MDGA2: variants seen among roughly 807,000 people sequenced by gnomAD.
MDGA2 encodes MAM domain containing glycosylphosphatidylinositol anchor 2.
Under a neutral mutation model 117.8 loss-of-function variants are expected in MDGA2, and 40 were observed. The observed-to-expected ratio is 0.34, with a 90% CI of 0.26 to 0.44. The LOEUF (loss-of-function observed/expected upper bound fraction) is 0.44, where lower values mean the gene tolerates loss of function less well. MDGA2 is among the 20% of genes least tolerant of loss of function. The probability of loss-of-function intolerance (pLI) is 1.00; values close to 1 mark genes in which losing one functional copy is unlikely to be tolerated. For synonymous variants in MDGA2, 452 were observed against 439.0 expected, an observed-to-expected ratio of 1.03 and a Z score of -0.37; for missense variants, 1,123 against 1,250.6, an observed-to-expected ratio of 0.90 and a Z score of 1.54.
At chr14:47,435,629 T>C (rs920970473) in intron 1 of MDGA2, among the ~76,000 whole-genome samples, 1 of 152,142 alleles carries the variant, frequency 6.6e-6, no homozygotes, top group Non-Finnish European at 1.5e-5. Flanking sequence ...TCTAAAACTT[T>C]CTAGAGTCAT....
At chr14:46,897,870 T>C (rs1883140985) in intron 10 of MDGA2, among the ~76,000 whole-genome samples, 1 of 151,906 alleles carries the variant, frequency 6.6e-6, no homozygotes, top group Admixed American at 6.6e-5. Flanking sequence ...TGACAATCTT[T>C]ATCTATTTTT....
At chr14:47,530,206 T>C (rs1287528919) in intron 1 of MDGA2, among the ~76,000 whole-genome samples, 2 of 152,192 alleles carry the variant, frequency 1.3e-5, no homozygotes, top group Admixed American at 6.5e-5. Flanking sequence ...CCTGTTCATA[T>C]GGATAAGATA....
At position 47,548,302 on chromosome 14, in the gene MDGA2, CT is replaced by C. The variant is rs911127737; in HGVS notation, c.280+126214del. ...CTTCCTCAAGAATAGTTTGTTTTGA[CT>C]TTTTTTTTAAACCTCTGTATGAGCA... On this transcript the variant is annotated intron_variant, in intron 1 of 16. Coordinates refer to ENST00000399232, the MANE Select transcript of MDGA2 (RefSeq NM_001113498.3). Among the ~76,000 whole-genome samples, 12 of 151,178 alleles carry C rather than the reference CT, an allele frequency of 7.9e-5. No individual in the cohort carries two copies. In the East Asian group the frequency reaches 1.2e-3, roughly 15 times the overall value.
intron 1 of MDGA2, among the ~76,000 whole-genome samples, chr14:47,575,002 C>T (rs1896090262): frequency 6.6e-6 from 1 of 152,132 alleles, no homozygotes. Flanking sequence ...ATAAAGTGTA[C>T]ATAGGTCTGT....
chr14:46,868,390 A>G (rs1481944343), intron 14 of MDGA2, among the ~76,000 whole-genome samples: 1 of 151,942 alleles, frequency 6.6e-6, no homozygotes, highest in Non-Finnish European at 1.5e-5. Flanking sequence ...TCATCAGAAG[A>G]GACATCATTT....
At chr14:47,294,178 T>G (rs544986286) in intron 2 of MDGA2, among the ~76,000 whole-genome samples, 11 of 150,396 alleles carry the variant, frequency 7.3e-5, no homozygotes, top group Non-Finnish European at 4.4e-5. Context: ...CAGTGCAGCC[T>G]TGACCTCCCC....
At chr14:47,072,822 A>G (rs574643206) in intron 6 of MDGA2, among the ~76,000 whole-genome samples, 1 of 152,326 alleles carries the variant, frequency 6.6e-6, no homozygotes, top group African/African-American at 2.4e-5. Context: ...CAGCTCACCC[A>G]GAAGGATTAT....
intron 6 of MDGA2, among the ~76,000 whole-genome samples, chr14:47,070,659 G>A (rs1890248529): frequency 6.6e-6 from 1 of 152,112 alleles, no homozygotes; most frequent in Non-Finnish European, 1.5e-5. Flanking sequence ...AGGCTGGAGT[G>A]CAGTGGTGTG....
rs201336872 is a variant in MDGA2 at position 47,589,202 on chromosome 14, A to AT, written c.280+85314dup. Among the ~76,000 whole-genome samples, 39 of 151,918 alleles carry AT rather than the reference A, an allele frequency of 2.6e-4. No individual in the cohort carries two copies. The East Asian group carries it at 7.5e-3, about 29-fold the overall frequency. ...GCAGTTATTTTAACAATCACACTCTATTTTTTCTTTTGTCACTTATGCTTT... is the reference window on the plus strand; with the variant it reads ...GCAGTTATTTTAACAATCACACTCTATTTTTTTCTTTTGTCACTTATGCTTT... On this transcript the variant is annotated intron_variant, in intron 1 of 16. Transcript: ENST00000399232.
chr14:47,426,182 A>G (rs1480210935), intron 1 of MDGA2, among the ~76,000 whole-genome samples: 1 of 152,122 alleles, frequency 6.6e-6, no homozygotes, highest in Non-Finnish European at 1.5e-5. Flanking sequence ...AGTATTTGCT[A>G]GAGGATATCA....
intron 6 of MDGA2, among the ~76,000 whole-genome samples, chr14:47,072,530 G>T (rs1208409742): frequency 6.6e-6 from 1 of 152,138 alleles, no homozygotes; most frequent in Non-Finnish European, 1.5e-5. Context: ...TCTACTTTTT[G>T]AAAGTGAAAC....
At chr14:47,036,986 G>T (rs1888879243) in intron 7 of MDGA2, among the ~76,000 whole-genome samples, 1 of 152,164 alleles carries the variant, frequency 6.6e-6, no homozygotes, top group Non-Finnish European at 1.5e-5. Context: ...CCTAGAAATT[G>T]ACATTAACAA....
intron 2 of MDGA2, among the ~76,000 whole-genome samples, chr14:47,296,379 G>A (rs1352149249): frequency 1.3e-5 from 2 of 152,136 alleles, no homozygotes; most frequent in South Asian, 2.1e-4. Flanking sequence ...CACACTGGGA[G>A]GTGCAATTGG....
chr14:46,955,573 T>C (rs1016280782), intron 9 of MDGA2, among the ~76,000 whole-genome samples: 3 of 152,070 alleles, frequency 2.0e-5, no homozygotes, highest in African/African-American at 7.2e-5. Flanking sequence ...TTCTGACATT[T>C]AAGTGAACAC....
At chr14:47,564,982 G>A (rs1895888853) in intron 1 of MDGA2, among the ~76,000 whole-genome samples, 1 of 151,782 alleles carries the variant, frequency 6.6e-6, no homozygotes, top group Non-Finnish European at 1.5e-5. Flanking sequence ...TTCTTAAAAT[G>A]GCCACTTTTT....
rs112794185 is a variant in MDGA2, at chr14:47,084,632, G to C, written c.1195+12222C>G. Among the ~76,000 whole-genome samples, 565 of 152,168 alleles carry C rather than the reference G, an allele frequency of 3.7e-3. 2 individuals carry two copies. Among genetic ancestry groups the C allele is most frequent in the Non-Finnish European group, 5.3e-3 (357 of 67,998 alleles). On this transcript the variant is annotated intron_variant, in intron 6 of 16. Coordinates refer to ENST00000399232, the MANE Select transcript of MDGA2 (RefSeq NM_001113498.3). ...TACTTACCCACCCTAACCCATTTGT[G>C]ATAGTATCAGGACGTGGAGCTTTTC...
At chr14:46,845,007 G>T (rs542725123) in intron 16 of MDGA2, among the ~76,000 whole-genome samples, 5 of 151,874 alleles carry the variant, frequency 3.3e-5, no homozygotes, top group Admixed American at 3.3e-4. Context: ...TCGGCCTCCC[G>T]AGTAGCTGGG....
chr14:46,966,687 T>A (rs1336800438), intron 8 of MDGA2, among the ~76,000 whole-genome samples: 2 of 151,852 alleles, frequency 1.3e-5, no homozygotes, highest in Non-Finnish European at 2.9e-5. Flanking sequence ...AGTGTAACCT[T>A]TCAAAGTAAT....
Position 47,290,177 on chromosome 14 carries a change from G to A in MDGA2, c.420+11234C>T, listed in dbSNP as rs866628868. On this transcript the variant is annotated intron_variant, in intron 2 of 16. Coordinates refer to ENST00000399232, the MANE Select transcript of MDGA2 (RefSeq NM_001113498.3). Reference sequence around the variant, plus strand: ...CCTCCCCAGAATTCATTCATATTTTGGAATCCTAATCCCCAGTAGGATGGT... The same window carrying A: ...CCTCCCCAGAATTCATTCATATTTTAGAATCCTAATCCCCAGTAGGATGGT... Among the ~76,000 whole-genome samples, 313 of 152,044 alleles carry A rather than the reference G, an allele frequency of 2.1e-3. 2 individuals carry two copies. Among genetic ancestry groups the A allele is most frequent in the African/African-American group, 7.1e-3 (294 of 41,468 alleles).
Sources: allele counts gnomAD v4.1 joint callset (sites outside exome capture counted in the v4.1 genomes callset), GRCh38; gene constraint gnomAD v4.1.1; transcripts MANE v1.5; gene names NCBI Gene and HGNC (gene_info 2026-07-23, HGNC 2026-07-21).